The following RABL3 variants were observed in gnomAD, a reference collection of about 807,000 sequenced individuals.
RABL3 encodes the protein rab-like protein 3.
Under a neutral mutation model 31.8 loss-of-function variants are expected in RABL3, and 31 were observed. The ratio of observed to expected loss-of-function variants is 0.97; its 90% CI spans 0.73 to 1.31. RABL3 has a LOEUF of 1.31. Among genes scored for constraint, RABL3 ranks in the 40% most tolerant of loss-of-function variants. RABL3 has a pLI of 0.00. For synonymous variants in RABL3, 97 were observed against 99.9 expected (o/e 0.97, Z 0.18); for missense variants, 263 against 279.6 (o/e 0.94, Z 0.42).
At position 120,742,390 on chromosome 3, in the gene RABL3, A is replaced by G. The variant is rs1559827176; in HGVS notation, c.46+72T>C. ...GCCGAGGAGCCAGGAAGTTGAGGGA[A>G]GGAAGCTAAGGGGAGGGTTACTGGG... On this transcript the variant is annotated intron_variant, in intron 1 of 7. Coordinates refer to ENST00000273375, the MANE Select transcript of RABL3 (RefSeq NM_173825.5). The G allele has an allele frequency of 6.3e-6, 9 of 1,420,106 alleles. No individual in the cohort carries two copies. The African/African-American group carries it at 1.1e-4, about 18-fold the overall frequency. 88.0% of individuals were successfully genotyped at this position (1,420,106 alleles called of 1,614,324 possible). A position where few individuals can be genotyped will look rare whatever the true frequency, so the allele number is the denominator to read the frequency against.
In RABL3 at chr3:120,693,672, T is replaced by C. The variant is rs140496271; in HGVS notation, c.606+481A>G. Among the ~76,000 whole-genome samples, 714 of 152,246 alleles carry C rather than the reference T, an allele frequency of 4.7e-3. 4 individuals carry two copies. The highest frequency in any genetic ancestry group is 0.016 in the African/African-American group (668 of 41,552). On this transcript the variant is annotated intron_variant, in intron 6 of 7. Coordinates refer to ENST00000273375, the MANE Select transcript of RABL3 (RefSeq NM_173825.5). ...AACAATGTTAGCAGAGAGTCAATAA[T>C]TGGAATGCAAATATTTCTGAGAGGG...
intron 5 of RABL3, among the ~76,000 whole-genome samples, chr3:120,696,552 A>T (rs1487597325): frequency 1.3e-5 from 2 of 151,846 alleles, no homozygotes; most frequent in Non-Finnish European, 2.9e-5. Flanking sequence ...TCTGACTCAC[A>T]GTTAAAAGAT....
chr3:120,710,716 T>C (rs1708603921), intron 2 of RABL3, among the ~76,000 whole-genome samples: 1 of 152,104 alleles, frequency 6.6e-6, no homozygotes, highest in African/African-American at 2.4e-5. Flanking sequence ...CCTTCTCAGC[T>C]GGATAATCCT....
chr3:120,703,295 C>G (rs1214540905), intron 4 of RABL3, among the ~76,000 whole-genome samples: 1 of 152,078 alleles, frequency 6.6e-6, no homozygotes, highest in Admixed American at 6.5e-5. Context: ...CAAAAAATAA[C>G]TGGAAAGCCT....
intron 2 of RABL3, among the ~76,000 whole-genome samples, chr3:120,727,522 GA>G (rs966897907): frequency 9.6e-5 from 14 of 146,462 alleles, no homozygotes; most frequent in South Asian, 4.3e-4. Flanking sequence ...AAATATCTAA[GA>G]AAAAAAAAAT....
At chr3:120,712,188 C>T (rs181058397) in intron 2 of RABL3, among the ~76,000 whole-genome samples, 59 of 152,204 alleles carry the variant, frequency 3.9e-4, no homozygotes, top group Non-Finnish European at 7.1e-4. Flanking sequence ...ATATGCTACT[C>T]TATAAACAGC....
intron 2 of RABL3, among the ~76,000 whole-genome samples, chr3:120,725,635 A>T (rs1293452469): frequency 1.3e-5 from 2 of 152,240 alleles, no homozygotes; most frequent in Non-Finnish European, 2.9e-5. Flanking sequence ...TGATGAGTTC[A>T]TGTCCTTTGT....
intron 4 of RABL3, among the ~76,000 whole-genome samples, chr3:120,700,362 T>C (rs1378514217): frequency 1.3e-5 from 2 of 151,930 alleles, no homozygotes; most frequent in Admixed American, 6.6e-5. Flanking sequence ...GAAACAAGTT[T>C]AAAAGACAAT....
At chr3:120,727,352 ATT>A (rs943554089) in intron 2 of RABL3, among the ~76,000 whole-genome samples, 1 of 152,148 alleles carries the variant, frequency 6.6e-6, no homozygotes, top group African/African-American at 2.4e-5. Context: ...GACGGAAAAA[ATT>A]TTTTTGTGTC....
intron 2 of RABL3, among the ~76,000 whole-genome samples, chr3:120,728,877 G>C (rs1708852040): frequency 6.6e-6 from 1 of 152,104 alleles, no homozygotes; most frequent in Non-Finnish European, 1.5e-5. Flanking sequence ...CCAAATGCTA[G>C]AAATGAAGAA....
intron 1 of RABL3, among the ~76,000 whole-genome samples, chr3:120,734,975 T>C (rs1708937437): frequency 6.6e-6 from 1 of 152,228 alleles, no homozygotes; most frequent in Admixed American, 6.5e-5. Flanking sequence ...TTTGCATTGA[T>C]GTTCATCAGG....
chr3:120,720,747 T>C (rs1004505006), intron 2 of RABL3, among the ~76,000 whole-genome samples: 1 of 152,200 alleles, frequency 6.6e-6, no homozygotes, highest in East Asian at 1.9e-4. Flanking sequence ...TGGAACCAAG[T>C]TGGAAAACAC....
chr3:120,709,856 T>C lies in RABL3; in HGVS notation c.192A>G (p.Leu64=), dbSNP rs145748640. The C allele has an allele frequency of 3.0e-5, 49 of 1,610,896 alleles. No homozygotes were observed. Among genetic ancestry groups the C allele is most frequent in the African/African-American group, 1.9e-4 (14 of 74,840 alleles). ...TPEEKTYYIE[L]WDVGGSVGSA... ...TGCCCACAGAGCCTCCAACATCCCA[T>C]AATTCTATGTAGTAGGTCTTCTCTT... The change falls in exon 3 of 8, where the codon TTA becomes TTG. Residue 64 remains leucine (L), a synonymous_variant. Transcript: ENST00000273375.
chr3:120,725,986 T>C (rs1416212423), intron 2 of RABL3, among the ~76,000 whole-genome samples: 2 of 152,130 alleles, frequency 1.3e-5, no homozygotes, highest in Non-Finnish European at 2.9e-5. Flanking sequence ...AAAAAATTTT[T>C]TAACATTTTT....
At chr3:120,696,953 G>A (rs1248234247) in intron 5 of RABL3, among the ~76,000 whole-genome samples, 1 of 152,164 alleles carries the variant, frequency 6.6e-6, no homozygotes, top group Non-Finnish European at 1.5e-5. Flanking sequence ...TGGGGGTAGA[G>A]GTGGGGCTGA....
At chr3:120,736,928 C>T (rs902318104) in intron 1 of RABL3, among the ~76,000 whole-genome samples, 2 of 152,180 alleles carry the variant, frequency 1.3e-5, no homozygotes, top group African/African-American at 4.8e-5. Context: ...TTGTGGGTAA[C>T]CTGACTTTTC....
intron 2 of RABL3, among the ~76,000 whole-genome samples, chr3:120,723,651 A>C (rs1234616700): frequency 3.9e-5 from 6 of 152,358 alleles, no homozygotes; most frequent in Non-Finnish European, 8.8e-5. Context: ...AACATACGCA[A>C]ATCAATAAAC....
intron 2 of RABL3, among the ~76,000 whole-genome samples, chr3:120,721,617 A>G (rs1024683125): frequency 6.6e-6 from 1 of 152,256 alleles, no homozygotes; most frequent in Non-Finnish European, 1.5e-5. Flanking sequence ...CAATTCAACA[A>G]GAACAGCTAA....
Position 120,718,682 on chromosome 3 carries a change from C to T in RABL3, c.139-8773G>A, listed in dbSNP as rs571197802. ...AAAATACTAAGACTGTCAGACTGGT[C>T]ATCAAAACAAAATTTAGCTATATCT... On this transcript the variant is annotated intron_variant, in intron 2 of 7. Transcript: ENST00000273375. 2.2e-4 allele frequency among the ~76,000 whole-genome samples: 33 copies of T among 152,326 alleles called. No homozygotes were observed. In the South Asian group the frequency reaches 6.8e-3, roughly 32 times the overall value.
Sources: gnomAD v4.1 joint callset for allele counts (sites outside exome capture counted in the v4.1 genomes callset) on GRCh38, gnomAD v4.1.1 for gene constraint, MANE v1.5 for transcripts, NCBI Gene and HGNC (gene_info 2026-07-23, HGNC 2026-07-21) for gene names.